Variants in FOXR1 observed in about 807,000 individuals in gnomAD.
FOXR1 encodes the protein forkhead box protein R1.
FOXR1 carries 25 observed loss-of-function variants against 34.5 expected under a neutral mutation model. The ratio of observed to expected loss-of-function variants is 0.72; its 90% CI spans 0.53 to 1.01. FOXR1 has a LOEUF of 1.01. Among genes scored for constraint, FOXR1 ranks in the 50% least tolerant of loss-of-function variants. The pLI is 0.00. For synonymous variants in FOXR1, 153 were observed against 141.6 expected (o/e 1.08, Z -0.57); for missense variants, 373 against 376.2 (o/e 0.99, Z 0.07).
In FOXR1 at chr11:118,979,088, C is replaced by A; in HGVS notation, c.268C>A (p.Gln90Lys). The A allele has an allele frequency of 1.2e-6, 2 of 1,607,768 alleles. No individual in the cohort carries two copies. Among genetic ancestry groups the A allele is most frequent in the Non-Finnish European group, 1.7e-6 (2 of 1,177,248 alleles). The change falls in exon 3 of 6, where the codon CAG becomes AAG. Residue 90 changes from glutamine (Q) to lysine (K), a missense_variant. Gln to Lys is a moderately conservative substitution (Grantham distance 53). Transcript: ENST00000317011. ...CACACTCCCCTCCTCTCAGCCACCC[C>A]AGAAGGAGGAAGATGCCAGCTGCTC... ...TSTLPSSQPP[Q>K]KEEDASCSEA...
intron 1 of FOXR1, among the ~76,000 whole-genome samples, chr11:118,972,322 G>T (rs1370300208): frequency 2.0e-5 from 3 of 151,910 alleles, no homozygotes; most frequent in African/African-American, 4.8e-5. Flanking sequence ...ACATTCCAAG[G>T]CCTCTTCTGG....
At chr11:118,977,579 C>G (rs1013932888) in intron 1 of FOXR1, among the ~76,000 whole-genome samples, 3 of 152,004 alleles carry the variant, frequency 2.0e-5, no homozygotes, top group African/African-American at 7.2e-5. Context: ...ATTTTTCTAT[C>G]TTTTGCTACT....
chr11:118,976,985 TTTTGTTTG>T (rs57158301), intron 1 of FOXR1, among the ~76,000 whole-genome samples: 11 of 151,896 alleles, frequency 7.2e-5, no homozygotes, highest in Non-Finnish European at 1.3e-4. Context: ...AGTTTTGCTA[TTTTGTTTG>T]TTTGTCTATT....
intron 3 of FOXR1, 45 bp from the exon 4 acceptor site, chr11:118,979,397 A>G (rs1941822888): frequency 1.3e-6 from 2 of 1,519,930 alleles, no homozygotes; most frequent in African/African-American, 2.8e-5. Flanking sequence ...ACCCTGGAGT[A>G]GAGGCTGAGG....
rs536773193 is a variant in FOXR1, at chr11:118,971,839, C to G, written c.-93C>G. The G allele has an allele frequency of 1.8e-4, 254 of 1,410,834 alleles. 4 individuals are homozygous for G. The South Asian group carries it at 2.9e-3, about 16-fold the overall frequency. 87.4% of individuals were successfully genotyped at this position (1,410,834 alleles called of 1,614,324 possible). A position where few individuals can be genotyped will look rare whatever the true frequency, so the allele number is the denominator to read the frequency against. On this transcript the variant is annotated 5_prime_UTR_variant, in exon 1 of 6. Transcript: ENST00000317011. ...CGCGTCCCCACTCCGCGCCGCCGCG[C>G]CTCTGCCAGCCCCGAAGGTGGACGT...
Position 118,980,290 on chromosome 11 carries a change from G to A in FOXR1, c.612-200G>A, listed in dbSNP as rs1262915788. On this transcript the variant is annotated intron_variant, in intron 4 of 5. Transcript: ENST00000317011. The stretch of plus-strand genomic sequence containing the variant: ...GGTCCAAGCCCTGGGCCCTCAGAGG[G>A]AGGGAGGGTTCAGGTGAGCCACGCA... 1.1e-5 allele frequency: 8 copies of A among 704,598 alleles called. 1 individual carries two copies. Among genetic ancestry groups the A allele is most frequent in the Non-Finnish European group, 1.8e-5 (7 of 387,688 alleles). The allele number at this position is 704,598 out of a possible 1,614,324, so 43.6% of individuals were successfully genotyped here. A position where few individuals can be genotyped will look rare whatever the true frequency, so the allele number is the denominator to read the frequency against.
chr11:118,975,625 G>C (rs1030426375), intron 1 of FOXR1, among the ~76,000 whole-genome samples: 2 of 152,004 alleles, frequency 1.3e-5, no homozygotes, highest in African/African-American at 4.8e-5. Flanking sequence ...CCTAAAATGG[G>C]AGAATTAACA....
chr11:118,979,267 A>G (rs1941820978), intron 3 of FOXR1, 63 bp downstream of exon 3: 2 of 1,502,962 alleles, frequency 1.3e-6, no homozygotes, highest in Non-Finnish European at 1.8e-6. Flanking sequence ...GGGAAGAGCC[A>G]TTACAGTTCT....
chr11:118,979,700 A>C (rs77384821), intron 4 of FOXR1, 32 bp downstream of exon 4: 2 of 1,542,354 alleles, frequency 1.3e-6, no homozygotes, highest in Admixed American at 2.0e-5. Flanking sequence ...AGGAGGGGGA[A>C]GTGGGGGCCA....
At chr11:118,975,719 A>G (rs1457755904) in intron 1 of FOXR1, among the ~76,000 whole-genome samples, 3 of 152,330 alleles carry the variant, frequency 2.0e-5, no homozygotes, top group Non-Finnish European at 4.4e-5. Context: ...TTGTGGAACA[A>G]CATCCTTGAA....
chr11:118,976,841 G>A lies in FOXR1; in HGVS notation c.62-1941G>A, dbSNP rs963666131. On this transcript the variant is annotated intron_variant, in intron 1 of 5. Transcript: ENST00000317011. The stretch of plus-strand genomic sequence containing the variant: ...TATTATTAATAATGCTGATCATCTC[G>A]TTAGCCATTCAGTTATCCCCTCCTT... Among the ~76,000 whole-genome samples, 9 of 152,070 alleles carry A rather than the reference G, an allele frequency of 5.9e-5. No homozygotes were observed. In the East Asian group the frequency reaches 7.7e-4, roughly 13 times the overall value.
chr11:118,979,450 AGAG>A lies in FOXR1; in HGVS notation c.401_403del (p.Glu134del), dbSNP rs1229881633. 9.3e-6 allele frequency: 15 copies of A among 1,607,490 alleles called. No individual in the cohort carries two copies. The highest frequency in any genetic ancestry group is 2.2e-5 in the East Asian group (1 of 44,616). On this transcript the variant is annotated inframe_deletion, in exon 4 of 6. Coordinates refer to ENST00000317011, the MANE Select transcript of FOXR1 (RefSeq NM_181721.3). ...ACTCTGTGCTCCTCTAGCTCACAGA[AGAG>A]GAGGAGGCTGAGGACCAGGAAGACA...
Position 118,973,697 on chromosome 11 carries a change from C to CTTT in FOXR1, c.61+1717_61+1719dup, listed in dbSNP as rs33940358. The stretch of plus-strand genomic sequence containing the variant: ...GGTGTGAGCCACCGCACCCGGCCTT[C>CTTT]TTTTTTTTTTTTTTGTCATGGAGTC... On this transcript the variant is annotated intron_variant, in intron 1 of 5. Transcript: ENST00000317011. Among the ~76,000 whole-genome samples the CTTT allele has an allele frequency of 1.6e-3, 222 of 137,066 alleles. 1 individual carries two copies. Among genetic ancestry groups the CTTT allele is most frequent in the South Asian group, 4.0e-3 (17 of 4,296 alleles). The allele number at this position is 137,066 out of a possible 152,430, so 89.9% of individuals were successfully genotyped here.
intron 3 of FOXR1, 88 bp downstream of exon 3, chr11:118,979,292 A>G: frequency 6.7e-7 from 1 of 1,496,286 alleles, no homozygotes; most frequent in Non-Finnish European, 8.9e-7. Flanking sequence ...TCTTAGCCAT[A>G]GCAAAAGGTG....
At chr11:118,972,743 C>T (rs903555427) in intron 1 of FOXR1, among the ~76,000 whole-genome samples, 7 of 152,150 alleles carry the variant, frequency 4.6e-5, no homozygotes, top group Non-Finnish European at 7.3e-5. Context: ...CCGCCCCAGC[C>T]TCCTGAGTAG....
Position 118,978,822 on chromosome 11 carries a change from A to ACC in FOXR1, c.105_106dup (p.Leu36ProfsTer2). The ACC allele has an allele frequency of 6.2e-7, 1 of 1,614,084 alleles. No homozygotes were observed. The highest frequency in any genetic ancestry group is 2.2e-5 in the East Asian group (1 of 44,874). On this transcript the variant is annotated frameshift_variant, in exon 2 of 6. Transcript: ENST00000317011. LOFTEE classifies it high-confidence loss of function. ...TCCGAATTGTTAAGCCACCAAAATT[A>ACC]CCCCTAGAGAAAAAACCCAACCCTG...
At chr11:118,981,184 C>T (rs371045487) in intron 5 of FOXR1, 24 bp from the exon 6 acceptor site, 610 of 1,613,718 alleles carry the variant, frequency 3.8e-4, no homozygotes, top group Non-Finnish European at 4.9e-4. Flanking sequence ...GTATAAACTC[C>T]TGAACTCTCT....
At position 118,980,684 on chromosome 11, in the gene FOXR1, C is replaced by T; in HGVS notation, c.806C>T (p.Ala269Val). 5 of 1,613,992 alleles carry T rather than the reference C, an allele frequency of 3.1e-6. No homozygotes were observed. The highest frequency in any genetic ancestry group is 4.2e-6 in the Non-Finnish European group (5 of 1,180,034). ...TTTGCGGAGGAGGCCCGCGCCTTGG[C>T]TTCCACTCGGCTAGAAAGTATCCAA... Reference protein sequence around the residue: ...RRFAEEARALASTRLESIQQC... With the variant: ...RRFAEEARALVSTRLESIQQC... The change falls in exon 5 of 6, where the codon GCT (alanine) becomes GTT (valine). Residue 269 changes from alanine (A) to valine (V), a missense_variant. Physicochemically the swap from Ala to Val is moderately conservative, Grantham distance 64. Coordinates refer to ENST00000317011, the MANE Select transcript of FOXR1 (RefSeq NM_181721.3).
At chr11:118,973,523 C>T (rs12226623) in intron 1 of FOXR1, among the ~76,000 whole-genome samples, 2 of 152,056 alleles carry the variant, frequency 1.3e-5, no homozygotes, top group East Asian at 3.9e-4. Flanking sequence ...CCTCAGCCTC[C>T]CGAGTAGCTG....
Sources: allele counts gnomAD v4.1 joint callset (sites outside exome capture counted in the v4.1 genomes callset), GRCh38; gene constraint gnomAD v4.1.1; transcripts MANE v1.5; gene names NCBI Gene and HGNC (gene_info 2026-07-23, HGNC 2026-07-21).